The following ARL8A variants were observed in gnomAD, a reference collection of about 807,000 sequenced individuals.
The protein encoded by ARL8A is ARF like GTPase 8A.
ARL8A carries 10 observed loss-of-function variants against 31.2 expected under a neutral mutation model. The ratio of observed to expected loss-of-function variants is 0.32; its 90% confidence interval spans 0.20 to 0.54. ARL8A has a LOEUF of 0.54. Among genes scored for constraint, ARL8A ranks in the 20% least tolerant of loss-of-function variants. ARL8A has a pLI of 0.93. For synonymous variants in ARL8A, 70 were observed against 86.9 expected (o/e 0.81, Z 1.08); for missense variants, 129 against 242.8 (o/e 0.53, Z 3.12).
rs1655246222 is a variant in ARL8A at position 202,144,359 on chromosome 1, G to A, written c.123+91C>T. 1 of 905,832 alleles carries A rather than the reference G, an allele frequency of 1.1e-6. No individual in the cohort carries two copies. Among genetic ancestry groups the A allele is most frequent in the Non-Finnish European group, 1.3e-6 (1 of 753,620 alleles). 56.1% of individuals were successfully genotyped at this position (905,832 alleles called of 1,614,324 possible). ...CCGGCCGTGCCCGGCTATGCCAGGC[G>A]GCGACCCCGGCTCAGCAGGGCGCGG... On this transcript the variant is annotated intron_variant, in intron 1 of 6. Transcript: ENST00000272217. The surrounding 1 kb of genome is among the most constrained non-coding windows in gnomAD (Gnocchi z 5.2).
chr1:202,136,896 C>G (rs1655023614), intron 3 of ARL8A, among the ~76,000 whole-genome samples: 2 of 151,934 alleles, frequency 1.3e-5, no homozygotes, highest in African/African-American at 4.8e-5. Flanking sequence ...GCTTTGTCGC[C>G]CAGGCTGGAG....
chr1:202,140,146 T>A (rs1041849268), intron 1 of ARL8A, among the ~76,000 whole-genome samples: 1 of 150,026 alleles, frequency 6.7e-6, no homozygotes, highest in Non-Finnish European at 1.5e-5. Flanking sequence ...TTTTTTTTTT[T>A]TGAGACGGAG....
At position 202,135,159 on chromosome 1, in the gene ARL8A, C is replaced by T. The variant is rs1241553629; in HGVS notation, c.502G>A (p.Asp168Asn). Residue 168 changes from aspartate (D) to asparagine (N), a missense_variant, in exon 6 of 7, where the codon GAC becomes AAC. Asp to Asn is a conservative substitution (Grantham distance 23). Transcript: ENST00000272217. This position sits in a 1 kb window ranked among gnomAD's most constrained non-coding sequence, Gnocchi z 5.3. The stretch of plus-strand genomic sequence containing the variant: ...CCCCCATCCTACGCACCAATGTTGT[C>T]CTTTTCTTTGCAAGAGATGGAGTAG... ...CCYSISCKEK[D>N]NIDITLQWLI... The T allele has an allele frequency of 2.5e-6, 4 of 1,613,848 alleles. No individual in the cohort carries two copies. Among genetic ancestry groups the T allele is most frequent in the Non-Finnish European group, 3.4e-6 (4 of 1,179,858 alleles).
chr1:202,142,630 C>T (rs962493696), intron 1 of ARL8A, among the ~76,000 whole-genome samples: 39 of 152,138 alleles, frequency 2.6e-4, no homozygotes, highest in African/African-American at 9.2e-4. Context: ...AAAAAGGGGA[C>T]CTTGTGGGCT....
chr1:202,142,323 G>C (rs1015372454), intron 1 of ARL8A, among the ~76,000 whole-genome samples: 1 of 152,370 alleles, frequency 6.6e-6, no homozygotes, highest in African/African-American at 2.4e-5. Flanking sequence ...GACAAACAGA[G>C]GCCAAATGAA....
intron 3 of ARL8A, among the ~76,000 whole-genome samples, chr1:202,136,170 G>C (rs1026665979): frequency 1.1e-4 from 17 of 152,198 alleles, no homozygotes; most frequent in African/African-American, 4.1e-4. Flanking sequence ...GGAAACCTTA[G>C]AAGATTTCTT....
intron 1 of ARL8A, among the ~76,000 whole-genome samples, chr1:202,142,088 G>A (rs895982160): frequency 7.2e-5 from 11 of 152,128 alleles, no homozygotes; most frequent in Non-Finnish European, 1.5e-4. Flanking sequence ...GGCTGGTCTC[G>A]AACTCCTAGC....
In ARL8A at chr1:202,144,592, G is replaced by T. The variant is rs774642510; in HGVS notation, c.-20C>A. ...GATCATGGTCGCTGCCGCCGGCCCC[G>T]CCCGGTGCCAGGTCCCCGCCGCCCC... On this transcript the variant is annotated 5_prime_UTR_variant, in exon 1 of 7. Coordinates refer to ENST00000272217, the MANE Select transcript of ARL8A (RefSeq NM_138795.4). This position sits in a 1 kb window ranked among gnomAD's most constrained non-coding sequence, Gnocchi z 5.2. The T allele has an allele frequency of 2.1e-6, 3 of 1,400,170 alleles. No homozygotes were observed. Among genetic ancestry groups the T allele is most frequent in the Non-Finnish European group, 2.8e-6 (3 of 1,054,236 alleles). The allele number at this position is 1,400,170 out of a possible 1,614,324, so 86.7% of individuals were successfully genotyped here. A position where few individuals can be genotyped will look rare whatever the true frequency, so the allele number is the denominator to read the frequency against.
chr1:202,135,606 C>T lies in ARL8A; in HGVS notation c.373-80G>A, dbSNP rs1434080993. The T allele has an allele frequency of 3.8e-6, 6 of 1,580,016 alleles. No homozygotes were observed. In the Admixed American group the frequency reaches 8.3e-5, roughly 22 times the overall value. ...TGGGTGGTGAGCTGGCCTCCTGGGT[C>T]CCGTTTCCTCTCTGCGCCCCTACCA... On this transcript the variant is annotated intron_variant, in intron 4 of 6. Coordinates refer to ENST00000272217, the MANE Select transcript of ARL8A (RefSeq NM_138795.4). The surrounding 1 kb of genome is among the most constrained non-coding windows in gnomAD (Gnocchi z 5.3).
Position 202,144,324 on chromosome 1 carries a change from C to T in ARL8A, c.123+126G>A, listed in dbSNP as rs1655245251. On this transcript the variant is annotated intron_variant, in intron 1 of 6. Coordinates refer to ENST00000272217, the MANE Select transcript of ARL8A (RefSeq NM_138795.4). The surrounding 1 kb of genome is among the most constrained non-coding windows in gnomAD (Gnocchi z 5.2). ...AAGCGCTCGGGGCCGGCTCCTCCCC[C>T]GCCCGGCGCCCGGCCGTGCCCGGCT... 3.0e-6 allele frequency: 2 copies of T among 657,860 alleles called. No individual in the cohort carries two copies. The highest frequency in any genetic ancestry group is 7.8e-4 in the Middle Eastern group (1 of 1,290). The allele number at this position is 657,860 out of a possible 1,614,324, so 40.8% of individuals were successfully genotyped here.
chr1:202,144,443 C>T lies in ARL8A; in HGVS notation c.123+7G>A, dbSNP rs756228345. On this transcript the variant is annotated splice_region_variant and intron_variant, in intron 1 of 6. Transcript: ENST00000272217. This position sits in a 1 kb window ranked among gnomAD's most constrained non-coding sequence, Gnocchi z 5.2. ...GCCCGGGGACCCCGCGCCCGACGCC[C>T]TCGTACCGCGATCACGTTGACGAAG... 6 of 1,425,504 alleles carry T rather than the reference C, an allele frequency of 4.2e-6. No homozygotes were observed. The South Asian group carries it at 4.7e-5, about 11-fold the overall frequency. The allele number at this position is 1,425,504 out of a possible 1,614,324, so 88.3% of individuals were successfully genotyped here. A position where few individuals can be genotyped will look rare whatever the true frequency, so the allele number is the denominator to read the frequency against.
chr1:202,134,984 C>A lies in ARL8A; in HGVS notation c.511+166G>T, dbSNP rs1192160154. 1.3e-5 allele frequency among the ~76,000 whole-genome samples: 2 copies of A among 152,148 alleles called. No individual in the cohort carries two copies. Among genetic ancestry groups the A allele is most frequent in the Non-Finnish European group, 2.9e-5 (2 of 68,028 alleles). The stretch of plus-strand genomic sequence containing the variant: ...TGCCCGAGATCACACAACCGCTTGG[C>A]GACAAGCTGGGATAGTGCCCAGAAT... On this transcript the variant is annotated intron_variant, in intron 6 of 6. Coordinates refer to ENST00000272217, the MANE Select transcript of ARL8A (RefSeq NM_138795.4). This position sits in a 1 kb window ranked among gnomAD's most constrained non-coding sequence, Gnocchi z 4.2.
chr1:202,141,439 C>T (rs560945557), intron 1 of ARL8A, among the ~76,000 whole-genome samples: 3 of 151,938 alleles, frequency 2.0e-5, no homozygotes, highest in East Asian at 1.9e-4. Context: ...GTCAGGGGTT[C>T]GAGACCAGCC....
intron 1 of ARL8A, among the ~76,000 whole-genome samples, chr1:202,143,149 G>T (rs1558307440): frequency 6.6e-6 from 1 of 152,190 alleles, no homozygotes; most frequent in African/African-American, 2.4e-5. Flanking sequence ...AGGAGACACT[G>T]GGTCGAGAAA....
At position 202,135,287 on chromosome 1, in the gene ARL8A, G is replaced by A; in HGVS notation, c.441-67C>T. ...CCAGGGGGCCTGGGGCTAGGGGACA[G>A]CGGGGCCTTTTTCTTACCTAAGAGG... On this transcript the variant is annotated intron_variant, in intron 5 of 6. Coordinates refer to ENST00000272217, the MANE Select transcript of ARL8A (RefSeq NM_138795.4). The surrounding 1 kb of genome is among the most constrained non-coding windows in gnomAD (Gnocchi z 5.3). 1.3e-6 allele frequency: 2 copies of A among 1,535,106 alleles called. No homozygotes were observed. Among genetic ancestry groups the A allele is most frequent in the Non-Finnish European group, 1.8e-6 (2 of 1,108,808 alleles).
rs1212130882 is a variant in ARL8A at position 202,133,556 on chromosome 1, A to G, written c.*911T>C. 6.6e-6 allele frequency: 1 copy of G among 152,194 alleles called. No individual in the cohort carries two copies. The highest frequency in any genetic ancestry group is 1.5e-5 in the Non-Finnish European group (1 of 68,050). 9.4% of individuals were successfully genotyped at this position (152,194 alleles called of 1,614,324 possible). On this transcript the variant is annotated 3_prime_UTR_variant, in exon 7 of 7. Transcript: ENST00000272217. ...AGGAACATCACTTTACAAATCATTA[A>G]ATTAAACAAATAAACAAACAGAACC...
In ARL8A at chr1:202,138,126, CTACTCT is replaced by C. The variant is rs1262036822; in HGVS notation, c.205-94_205-89del. On this transcript the variant is annotated intron_variant, in intron 2 of 6. Transcript: ENST00000272217. The surrounding 1 kb of genome is among the most constrained non-coding windows in gnomAD (Gnocchi z 4.4). ...CTCAAATGCCCCCTCCTACCCTGCC[CTACTCT>C]CCTCTGCCTCCCCGGCTTCCTCTCC... is the stretch of plus-strand genomic sequence containing the variant. 20 of 1,456,912 alleles carry C rather than the reference CTACTCT, an allele frequency of 1.4e-5. No homozygotes were observed. The Admixed American group carries it at 3.2e-4, about 23-fold the overall frequency. The allele number at this position is 1,456,912 out of a possible 1,614,324, so 90.2% of individuals were successfully genotyped here. A position where few individuals can be genotyped will look rare whatever the true frequency, so the allele number is the denominator to read the frequency against.
At position 202,138,294 on chromosome 1, in the gene ARL8A, A is replaced by AACACACAC. The variant is rs10531175; in HGVS notation, c.204+66_204+73dup. The AACACACAC allele has an allele frequency of 5.3e-4, 709 of 1,337,890 alleles. 1 individual carries two copies. In the African/African-American group the frequency reaches 9.0e-3, roughly 17 times the overall value. The allele number at this position is 1,337,890 out of a possible 1,614,324, so 82.9% of individuals were successfully genotyped here. A position where few individuals can be genotyped will look rare whatever the true frequency, so the allele number is the denominator to read the frequency against. ...CCCAGGGGCCTCCGTTGCCCTCCCC[A>AACACACAC]ACACACACACACACACACACACACA... On this transcript the variant is annotated intron_variant, in intron 2 of 6. Coordinates refer to ENST00000272217, the MANE Select transcript of ARL8A (RefSeq NM_138795.4). This position sits in a 1 kb window ranked among gnomAD's most constrained non-coding sequence, Gnocchi z 4.4.
At chr1:202,140,076 T>C (rs943533640) in intron 1 of ARL8A, among the ~76,000 whole-genome samples, 2 of 151,994 alleles carry the variant, frequency 1.3e-5, no homozygotes, top group Admixed American at 1.3e-4. Flanking sequence ...TCTTATTTGG[T>C]GCCTCCATGT....
Sources: allele counts gnomAD v4.1 joint callset (sites outside exome capture counted in the v4.1 genomes callset), GRCh38; gene constraint gnomAD v4.1.1; non-coding constraint Gnocchi (gnomAD v3.1); transcripts MANE v1.5; gene names NCBI Gene and HGNC (gene_info 2026-07-23, HGNC 2026-07-21).